LRMDA: variants seen among roughly 807,000 people sequenced by gnomAD.
The protein encoded by LRMDA is leucine-rich melanocyte differentiation-associated protein.
A neutral mutation model predicts 29.8 loss-of-function variants in LRMDA; 18 were observed. The observed-to-expected ratio is 0.60, with a 90% CI of 0.42 to 0.90. The LOEUF (loss-of-function observed/expected upper bound fraction) is 0.90, where lower values mean the gene tolerates loss of function less well. Among genes scored for constraint, LRMDA ranks in the 40% least tolerant of loss-of-function variants. LRMDA has a pLI of 0.00. For synonymous variants in LRMDA, 125 were observed against 109.4 expected, an observed-to-expected ratio of 1.14 and a Z score of -0.89; for missense variants, 273 against 273.9, an observed-to-expected ratio of 1.00 and a Z score of 0.02.
intron 2 of LRMDA, among the ~76,000 whole-genome samples, chr10:75,538,412 A>G (rs893314631): frequency 2.0e-5 from 3 of 152,194 alleles, no homozygotes; most frequent in Non-Finnish European, 4.4e-5. Flanking sequence ...AGGAATAATT[A>G]GGAAAGGTTA....
chr10:76,173,310 C>T (rs1705774477), intron 5 of LRMDA, among the ~76,000 whole-genome samples: 1 of 151,654 alleles, frequency 6.6e-6, no homozygotes, highest in Non-Finnish European at 1.5e-5. Flanking sequence ...AATTAGAGTT[C>T]CAAAGTTATC....
chr10:76,266,950 A>G (rs1391314427), intron 5 of LRMDA, among the ~76,000 whole-genome samples: 2 of 152,132 alleles, frequency 1.3e-5, no homozygotes, highest in African/African-American at 4.8e-5. Flanking sequence ...AGAGTTTCCC[A>G]GGTAGATCTT....
intron 4 of LRMDA, among the ~76,000 whole-genome samples, chr10:76,056,935 C>T (rs770317935): frequency 1.1e-4 from 16 of 152,172 alleles, no homozygotes; most frequent in Non-Finnish European, 1.9e-4. Flanking sequence ...CAAGCAGCCC[C>T]TACTGCAGCT....
chr10:76,073,309 C>A lies in LRMDA; in HGVS notation c.516+14526C>A, dbSNP rs114830422. 2.9e-3 allele frequency among the ~76,000 whole-genome samples: 437 copies of A among 152,268 alleles called. 2 individuals carry two copies. The highest frequency in any genetic ancestry group is 0.01 in the African/African-American group (418 of 41,542). ...ATGTAGGGAATATGTGTGTTCCCTT[C>A]CAAACCGTATCCTTTTCTAAATGTG... On this transcript the variant is annotated intron_variant, in intron 5 of 6. Transcript: ENST00000611255.
intron 5 of LRMDA, among the ~76,000 whole-genome samples, chr10:76,237,624 C>A (rs1564695905): frequency 6.6e-6 from 1 of 152,094 alleles, no homozygotes; most frequent in Non-Finnish European, 1.5e-5. Flanking sequence ...AAAGTGGGAG[C>A]AGCAAGCAAT....
At chr10:75,982,661 C>T (rs1251601032) in intron 2 of LRMDA, among the ~76,000 whole-genome samples, 2 of 152,190 alleles carry the variant, frequency 1.3e-5, no homozygotes, top group Non-Finnish European at 2.9e-5. Context: ...ACCTAGGACT[C>T]ATCAAGGTGT....
chr10:75,998,430 T>A (rs967742478), intron 2 of LRMDA, among the ~76,000 whole-genome samples: 13 of 152,194 alleles, frequency 8.5e-5, no homozygotes, highest in African/African-American at 3.1e-4. Flanking sequence ...TACTTGTAAG[T>A]TCCCAGGAAT....
chr10:75,823,132 A>G (rs1301725699), intron 2 of LRMDA, among the ~76,000 whole-genome samples: 13 of 152,182 alleles, frequency 8.5e-5, no homozygotes, highest in Admixed American at 8.5e-4. Context: ...AATTAAACCA[A>G]AAAGCTTATG....
At chr10:76,009,280 T>G (rs1456186567) in intron 2 of LRMDA, among the ~76,000 whole-genome samples, 3 of 152,204 alleles carry the variant, frequency 2.0e-5, no homozygotes, top group Non-Finnish European at 4.4e-5. Flanking sequence ...TTCTGTGTTT[T>G]TCTCACTACA....
intron 2 of LRMDA, among the ~76,000 whole-genome samples, chr10:75,514,420 G>T (rs1845265550): frequency 6.6e-6 from 1 of 151,908 alleles, no homozygotes; most frequent in African/African-American, 2.4e-5. Context: ...ATTTGAAGAG[G>T]CTGGAGCAGT....
chr10:75,818,650 G>T (rs541072627), intron 2 of LRMDA, among the ~76,000 whole-genome samples: 28 of 152,212 alleles, frequency 1.8e-4, no homozygotes, highest in Non-Finnish European at 3.5e-4. Context: ...TTGCAGAGAC[G>T]AAAGTTTTCT....
chr10:75,474,449 G>A (rs1183591916), intron 2 of LRMDA, among the ~76,000 whole-genome samples: 1 of 152,206 alleles, frequency 6.6e-6, no homozygotes, highest in African/African-American at 2.4e-5. Context: ...GAAGGGGCAA[G>A]GGGTCTGTTT....
chr10:76,177,919 T>A lies in LRMDA; in HGVS notation c.516+119136T>A, dbSNP rs75522602. On this transcript the variant is annotated intron_variant, in intron 5 of 6. Coordinates refer to ENST00000611255, the MANE Select transcript of LRMDA (RefSeq NM_001305581.2). ...TCTGTCCAGTGGTGTTAGAGCTGAA[T>A]TGAAATCCTGCTTTATAGAGCCCCC... Among the ~76,000 whole-genome samples the A allele has an allele frequency of 5.6e-4, 85 of 152,318 alleles. No individual in the cohort carries two copies. The East Asian group carries it at 0.014, about 26-fold the overall frequency.
intron 6 of LRMDA, among the ~76,000 whole-genome samples, chr10:76,443,872 G>A (rs1457998949): frequency 6.6e-6 from 1 of 152,014 alleles, no homozygotes; most frequent in Non-Finnish European, 1.5e-5. Context: ...TACCCTTCTG[G>A]GTTTATATTG....
intron 2 of LRMDA, among the ~76,000 whole-genome samples, chr10:75,935,049 C>T (rs1846264987): frequency 6.6e-6 from 1 of 152,042 alleles, no homozygotes; most frequent in African/African-American, 2.4e-5. Context: ...TTGGTTTGCT[C>T]TCAGTTTCTC....
intron 2 of LRMDA, among the ~76,000 whole-genome samples, chr10:75,457,924 A>G (rs1315847417): frequency 2.0e-5 from 3 of 152,194 alleles, no homozygotes; most frequent in Non-Finnish European, 4.4e-5. Context: ...AACTCTTGCT[A>G]GTTTGAAGCT....
chr10:76,477,657 C>G (rs1181209463), intron 6 of LRMDA, among the ~76,000 whole-genome samples: 1 of 152,130 alleles, frequency 6.6e-6, no homozygotes, highest in Non-Finnish European at 1.5e-5. Context: ...AACTATACTA[C>G]AAGGCTACAG....
intron 5 of LRMDA, among the ~76,000 whole-genome samples, chr10:76,233,944 T>C (rs1440468132): frequency 2.0e-5 from 3 of 152,250 alleles, no homozygotes; most frequent in East Asian, 1.9e-4. Context: ...CTCCTGTTAA[T>C]GTTGATACTT....
intron 2 of LRMDA, among the ~76,000 whole-genome samples, chr10:75,971,830 G>A (rs1266651438): frequency 6.6e-6 from 1 of 152,156 alleles, no homozygotes; most frequent in African/African-American, 2.4e-5. Flanking sequence ...AGGGTTCTCA[G>A]AAAACCCAAC....
Sources: gnomAD v4.1 joint callset for allele counts (sites outside exome capture counted in the v4.1 genomes callset) on GRCh38, gnomAD v4.1.1 for gene constraint, MANE v1.5 for transcripts, NCBI Gene and HGNC (gene_info 2026-07-23, HGNC 2026-07-21) for gene names.